The following DRD3 variants were observed in gnomAD, a reference collection of about 807,000 sequenced individuals.
DRD3 encodes dopamine receptor D3, also known as D(3) dopamine receptor.
Under a neutral mutation model 36.3 loss-of-function variants are expected in DRD3, and 19 were observed. The observed-to-expected ratio is 0.52, with a 90% CI of 0.36 to 0.77. The LOEUF is 0.77. DRD3 is among the 30% of genes least tolerant of loss of function. The pLI is 0.00. For missense variants in DRD3, 465 were observed against 505.3 expected, an observed-to-expected ratio of 0.92 and a Z score of 0.77; for synonymous variants, 195 against 203.7, an observed-to-expected ratio of 0.96 and a Z score of 0.36.
Position 114,171,791 on chromosome 3 carries a change from C to G in DRD3, c.202G>C (p.Val68Leu). The part of the protein sequence containing the change: ...RALQTTTNYL[V>L]VSLAVADLLV... ...AAGTCTGCCACAGCCAGGCTCACTA[C>G]TAAGTAGTTGGTGGTAGTCTGCAGG... Residue 68 changes from valine to leucine, a missense_variant, in exon 2 of 7, where the codon GTA becomes CTA. Physicochemically the swap from Val to Leu is conservative, Grantham distance 32. Coordinates refer to ENST00000383673, the MANE Select transcript of DRD3 (RefSeq NM_000796.6). The G allele has an allele frequency of 6.2e-7, 1 of 1,613,990 alleles. No individual in the cohort carries two copies. Among genetic ancestry groups the G allele is most frequent in the Non-Finnish European group, 8.5e-7 (1 of 1,179,918 alleles).
At chr3:114,144,044 G>C (rs530701303) in intron 4 of DRD3, among the ~76,000 whole-genome samples, 1 of 152,358 alleles carries the variant, frequency 6.6e-6, no homozygotes, top group South Asian at 2.1e-4. Context: ...ATCAGGGTCT[G>C]TTGATGATGT....
chr3:114,177,745 C>G (rs550507568), intron 1 of DRD3, among the ~76,000 whole-genome samples: 16 of 152,258 alleles, frequency 1.1e-4, no homozygotes, highest in Non-Finnish European at 2.2e-4. Flanking sequence ...TGAAAATATT[C>G]AACTACAAAT....
chr3:114,148,311 T>TC (rs2077586885), intron 3 of DRD3, among the ~76,000 whole-genome samples: 1 of 152,140 alleles, frequency 6.6e-6, no homozygotes, highest in South Asian at 2.1e-4. Context: ...AAGAGGATAT[T>TC]TACCTCCTGC....
intron 4 of DRD3, among the ~76,000 whole-genome samples, chr3:114,141,623 A>T (rs947444983): frequency 1.3e-5 from 2 of 152,080 alleles, no homozygotes; most frequent in Non-Finnish European, 1.5e-5. Context: ...GTGACCAGTG[A>T]TGCATTTTAC....
chr3:114,185,371 C>T (rs1168345389), intron 1 of DRD3, among the ~76,000 whole-genome samples: 5 of 152,064 alleles, frequency 3.3e-5, no homozygotes, highest in African/African-American at 9.7e-5. Flanking sequence ...TTCTTGCCTG[C>T]TTAAATCTGC....
intron 3 of DRD3, among the ~76,000 whole-genome samples, chr3:114,159,540 A>T (rs1323739640): frequency 6.6e-6 from 1 of 152,156 alleles, no homozygotes; most frequent in African/African-American, 2.4e-5. Context: ...CTGGAGGAGA[A>T]GAAAGGCCAG....
rs1577573898 is a variant in DRD3, at chr3:114,127,653, C to T, written c.*1063G>A. Among the ~76,000 whole-genome samples the T allele has an allele frequency of 6.6e-6, 1 of 152,208 alleles. No homozygotes were observed. Among genetic ancestry groups the T allele is most frequent in the African/African-American group, 2.4e-5 (1 of 41,460 alleles). Reference sequence around the variant, plus strand: ...TACTGTACACAATTGTATACTTTTACACGACTGGCAGCATCATTTTGTTTA... The same window carrying T: ...TACTGTACACAATTGTATACTTTTATACGACTGGCAGCATCATTTTGTTTA... On this transcript the variant is annotated 3_prime_UTR_variant, in exon 7 of 7. Transcript: ENST00000383673.
At chr3:114,155,675 G>T (rs2077660451) in intron 3 of DRD3, among the ~76,000 whole-genome samples, 1 of 152,020 alleles carries the variant, frequency 6.6e-6, no homozygotes, top group East Asian at 1.9e-4. Context: ...ACACCCTTGC[G>T]CAGGGAACAA....
At chr3:114,139,115 G>C (rs1046682838) in intron 5 of DRD3, among the ~76,000 whole-genome samples, 2 of 152,218 alleles carry the variant, frequency 1.3e-5, no homozygotes, top group Non-Finnish European at 2.9e-5. Flanking sequence ...GTGATTCTTG[G>C]CATGAGTGGT....
At chr3:114,188,210 C>CTTTTT (rs57147337) in intron 1 of DRD3, among the ~76,000 whole-genome samples, 12 of 122,874 alleles carry the variant, frequency 9.8e-5, no homozygotes, top group East Asian at 2.2e-4. Context: ...CTTTTTTTCC[C>CTTTTT]TTTTTTTTTT....
intron 1 of DRD3, among the ~76,000 whole-genome samples, chr3:114,172,362 T>C (rs2077854959): frequency 6.6e-6 from 1 of 152,168 alleles, no homozygotes; most frequent in Admixed American, 6.6e-5. Context: ...TATCTGAGTA[T>C]AATCAGGAAC....
intron 2 of DRD3, 25 bp downstream of exon 2, chr3:114,171,698 C>A (rs772481537): frequency 6.4e-7 from 1 of 1,560,744 alleles, no homozygotes; most frequent in Non-Finnish European, 8.7e-7. Context: ...GTCATAGAGA[C>A]AACATGCACC....
At chr3:114,193,176 G>C (rs2078020584) in intron 1 of DRD3, among the ~76,000 whole-genome samples, 1 of 152,162 alleles carries the variant, frequency 6.6e-6, no homozygotes, top group Non-Finnish European at 1.5e-5. Flanking sequence ...CTACTTGGGA[G>C]GCTGAGGCAG....
At chr3:114,197,163 G>A (rs949394124) in intron 1 of DRD3, among the ~76,000 whole-genome samples, 2 of 149,534 alleles carry the variant, frequency 1.3e-5, no homozygotes, top group African/African-American at 4.9e-5. Flanking sequence ...TCCAGGTGGA[G>A]TGCAGTGGCA....
intron 2 of DRD3, 83 bp downstream of exon 2, chr3:114,171,640 C>G: frequency 6.9e-7 from 1 of 1,442,604 alleles, no homozygotes; most frequent in East Asian, 2.6e-5. Flanking sequence ...TCTGGGGAGT[C>G]TTTTGAGCCC....
chr3:114,179,682 C>CT (rs528934511), upstream of DRD3, among the ~76,000 whole-genome samples: 17 of 152,080 alleles, frequency 1.1e-4, no homozygotes, highest in East Asian at 1.4e-3. Context: ...TTCTCTCTCT[C>CT]TTTTTTTTCT....
At chr3:114,195,793 A>G (rs1030926674) in intron 1 of DRD3, among the ~76,000 whole-genome samples, 5 of 152,238 alleles carry the variant, frequency 3.3e-5, no homozygotes, top group African/African-American at 1.2e-4. Flanking sequence ...TCTTACTTAC[A>G]TATAAAACAC....
intron 3 of DRD3, among the ~76,000 whole-genome samples, chr3:114,152,498 A>AT (rs1177593902): frequency 1.3e-5 from 2 of 152,312 alleles, no homozygotes; most frequent in South Asian, 2.1e-4. Context: ...TGTTACAGTA[A>AT]TTTTTTTCTT....
chr3:114,143,385 T>C (rs184074157), intron 4 of DRD3, among the ~76,000 whole-genome samples: 1 of 152,304 alleles, frequency 6.6e-6, no homozygotes, highest in Non-Finnish European at 1.5e-5. Context: ...ATTTACTCAT[T>C]CTACAAATTT....
Sources: gnomAD v4.1 joint callset for allele counts (sites outside exome capture counted in the v4.1 genomes callset) on GRCh38, gnomAD v4.1.1 for gene constraint, MANE v1.5 for transcripts, NCBI Gene and HGNC (gene_info 2026-07-23, HGNC 2026-07-21) for gene names.